Variants in TANGO6 observed in about 807,000 individuals in gnomAD.
The protein encoded by TANGO6 is transport and golgi organization 6 homolog.
Under a neutral mutation model 114.2 loss-of-function variants are expected in TANGO6, and 90 were observed. That is an observed-to-expected ratio of 0.79 (90% CI 0.66 to 0.94). TANGO6 has a LOEUF of 0.94. Ranked by LOEUF, TANGO6 falls within the 40% of genes least tolerant of loss-of-function variation. The pLI is 0.00. For synonymous variants in TANGO6, 477 were observed against 509.8 expected (o/e 0.94, Z 0.87); for missense variants, 1,274 against 1,315.3 (o/e 0.97, Z 0.49).
intron 14 of TANGO6, among the ~76,000 whole-genome samples, chr16:68,949,031 A>G (rs1437491685): frequency 2.0e-5 from 3 of 152,176 alleles, no homozygotes; most frequent in Non-Finnish European, 2.9e-5. Flanking sequence ...TACTAAAAAT[A>G]CAAAATTAGC....
At chr16:68,876,380 C>T (rs571928488) in intron 5 of TANGO6, among the ~76,000 whole-genome samples, 1 of 151,658 alleles carries the variant, frequency 6.6e-6, no homozygotes, top group Non-Finnish European at 1.5e-5. Flanking sequence ...AGGCTGGTCT[C>T]GAACTCCTGA....
At chr16:68,867,005 G>A in intron 3 of TANGO6, 74 bp from the exon 4 acceptor site, 1 of 566,930 alleles carries the variant, frequency 1.8e-6, no homozygotes, top group Non-Finnish European at 2.8e-6. Context: ...TTTTTTACAG[G>A]CATGAGCCAC....
chr16:68,857,064 G>A (rs1243986661), intron 1 of TANGO6, among the ~76,000 whole-genome samples: 1 of 152,176 alleles, frequency 6.6e-6, no homozygotes, highest in Non-Finnish European at 1.5e-5. Flanking sequence ...AGCCAAGATC[G>A]CACCGCTGCA....
At chr16:69,072,053 G>GTGTGTT (rs1960302595) in intron 17 of TANGO6, among the ~76,000 whole-genome samples, 1 of 146,632 alleles carries the variant, frequency 6.8e-6, no homozygotes, top group Non-Finnish European at 1.5e-5. Flanking sequence ...GTGTGTGTGT[G>GTGTGTT]TGTGTGTGTG....
intron 14 of TANGO6, among the ~76,000 whole-genome samples, chr16:68,953,966 A>G (rs1362403540): frequency 1.3e-5 from 2 of 152,076 alleles, no homozygotes; most frequent in East Asian, 1.9e-4. Context: ...GAGACCAGGC[A>G]CAGTGGCTCA....
chr16:69,059,507 CTTTTCTT>C (rs1344651660), intron 17 of TANGO6, among the ~76,000 whole-genome samples: 4 of 151,668 alleles, frequency 2.6e-5, no homozygotes, highest in Non-Finnish European at 4.4e-5. Context: ...CGCCTGGCCA[CTTTTCTT>C]TTTTCTTTTT....
intron 17 of TANGO6, among the ~76,000 whole-genome samples, chr16:69,067,518 C>CAAAAAAAAAAAAAAAAAAAAAAA (rs1199698790): frequency 9.2e-5 from 4 of 43,710 alleles, no homozygotes; most frequent in Non-Finnish European, 1.2e-4. Flanking sequence ...AACTCCATCT[C>CAAAAAAAAAAAAAAAAAAAAAAA]AAAAAAAAAA....
At chr16:68,855,759 C>T (rs1288869155) in intron 1 of TANGO6, among the ~76,000 whole-genome samples, 2 of 151,768 alleles carry the variant, frequency 1.3e-5, no homozygotes, top group Middle Eastern at 3.4e-3. Context: ...ATTACGGGTG[C>T]CTGTAATCCC....
At chr16:69,022,656 A>T (rs1398038617) in intron 15 of TANGO6, among the ~76,000 whole-genome samples, 172 bp from the exon 16 acceptor site, 1 of 151,988 alleles carries the variant, frequency 6.6e-6, no homozygotes, top group African/African-American at 2.4e-5. Context: ...GTGAGCTGTG[A>T]TTGTGCCACT....
intron 15 of TANGO6, among the ~76,000 whole-genome samples, chr16:68,982,757 C>T (rs1963851441): frequency 6.6e-6 from 1 of 151,394 alleles, no homozygotes; most frequent in Non-Finnish European, 1.5e-5. Context: ...CAGGCATGAG[C>T]CACGGTGCCC....
At chr16:68,889,429 A>G (rs1962581943) in intron 7 of TANGO6, among the ~76,000 whole-genome samples, 2 of 152,138 alleles carry the variant, frequency 1.3e-5, no homozygotes, top group Admixed American at 1.3e-4. Flanking sequence ...AAGTCCAGGA[A>G]CCAATCTTTC....
intron 15 of TANGO6, among the ~76,000 whole-genome samples, chr16:68,977,401 G>A (rs559593326): frequency 6.7e-6 from 1 of 149,966 alleles, no homozygotes; most frequent in South Asian, 2.1e-4. Context: ...GTTTTTTTGA[G>A]ATGGAGTCTT....
intron 14 of TANGO6, among the ~76,000 whole-genome samples, chr16:68,965,976 A>G (rs756459111): frequency 1.3e-5 from 2 of 152,182 alleles, no homozygotes; most frequent in East Asian, 3.8e-4. Flanking sequence ...TCACGCCTGT[A>G]ATCCCAATAT....
At chr16:68,869,364 G>C (rs932628816) in intron 4 of TANGO6, among the ~76,000 whole-genome samples, 5 of 152,188 alleles carry the variant, frequency 3.3e-5, no homozygotes, top group Admixed American at 1.3e-4. Context: ...TATGGTTCCA[G>C]CTACTGAGGT....
intron 4 of TANGO6, among the ~76,000 whole-genome samples, chr16:68,868,878 G>T (rs1236309898): frequency 1.3e-5 from 2 of 152,148 alleles, no homozygotes; most frequent in Non-Finnish European, 2.9e-5. Context: ...ATGTGTGGAA[G>T]AGGATCTTGT....
chr16:68,903,755 C>A (rs1962814795), intron 9 of TANGO6, among the ~76,000 whole-genome samples: 1 of 151,788 alleles, frequency 6.6e-6, no homozygotes, highest in Non-Finnish European at 1.5e-5. Flanking sequence ...AACCCCATCT[C>A]TACTAAAAAT....
chr16:69,026,265 T>C (rs890752183), intron 16 of TANGO6: 1 of 152,230 alleles, frequency 6.6e-6, no homozygotes, highest in African/African-American at 2.4e-5. Flanking sequence ...CCTCCCAAAG[T>C]GCTGGGATTA....
chr16:69,048,909 G>A (rs1040551270), intron 17 of TANGO6, among the ~76,000 whole-genome samples: 4 of 152,112 alleles, frequency 2.6e-5, no homozygotes, highest in Non-Finnish European at 5.9e-5. Flanking sequence ...CCAAGCTGAG[G>A]GAAGCTGATG....
At chr16:69,065,207 C>T (rs1960195522) in intron 17 of TANGO6, among the ~76,000 whole-genome samples, 1 of 152,236 alleles carries the variant, frequency 6.6e-6, no homozygotes, top group Non-Finnish European at 1.5e-5. Context: ...ACCACAGCTG[C>T]CACTCCTGTC....
Sources: gnomAD v4.1 joint callset for allele counts (sites outside exome capture counted in the v4.1 genomes callset) on GRCh38, gnomAD v4.1.1 for gene constraint, MANE v1.5 for transcripts, NCBI Gene and HGNC (gene_info 2026-07-23, HGNC 2026-07-21) for gene names.